Variants in SYT14 observed in about 807,000 individuals in gnomAD.
SYT14 encodes the protein synaptotagmin 14, also known as synaptotagmin-14.
Under a neutral mutation model 74.2 loss-of-function variants are expected in SYT14, and 32 were observed. The ratio of observed to expected loss-of-function variants is 0.43; its 90% CI spans 0.33 to 0.58. SYT14 has a LOEUF of 0.58. Among genes scored for constraint, SYT14 ranks in the 20% least tolerant of loss-of-function variants. SYT14 has a pLI of 0.05. For missense variants in SYT14, 791 were observed against 981.8 expected (o/e 0.81, Z 2.60); for synonymous variants, 298 against 337.7 (o/e 0.88, Z 1.29).
At chr1:210,124,248 A>T (rs757637238) in intron 7 of SYT14, among the ~76,000 whole-genome samples, 58 of 152,126 alleles carry the variant, frequency 3.8e-4, no homozygotes, top group East Asian at 7.7e-4. Flanking sequence ...AGAAATGAAA[A>T]AAAAAAATAA....
intron 2 of SYT14, among the ~76,000 whole-genome samples, chr1:209,967,695 A>G (rs1430372319): frequency 2.0e-5 from 3 of 151,486 alleles, no homozygotes; most frequent in East Asian, 3.9e-4. Context: ...TGTCATCTCT[A>G]TTTTTTCACT....
intron 2 of SYT14, among the ~76,000 whole-genome samples, chr1:209,974,223 C>T (rs2079314451): frequency 6.6e-6 from 1 of 152,076 alleles, no homozygotes; most frequent in African/African-American, 2.4e-5. Flanking sequence ...TAGTTAGATC[C>T]CATTTGTCAA....
chr1:210,047,718 A>T (rs930821248), intron 5 of SYT14, among the ~76,000 whole-genome samples: 1 of 152,208 alleles, frequency 6.6e-6, no homozygotes, highest in Non-Finnish European at 1.5e-5. Flanking sequence ...AATGTAGATT[A>T]TATTTTCAAT....
intron 2 of SYT14, among the ~76,000 whole-genome samples, chr1:209,999,409 A>ATCTGAGGG (rs1367777240): frequency 6.6e-6 from 1 of 152,166 alleles, no homozygotes; most frequent in East Asian, 1.9e-4. Flanking sequence ...CTGGGTATTT[A>ATCTGAGGG]TCTGAGGGTG....
intron 7 of SYT14, among the ~76,000 whole-genome samples, chr1:210,148,536 C>T (rs1162346776): frequency 6.7e-6 from 1 of 150,330 alleles, no homozygotes; most frequent in Admixed American, 6.6e-5. Flanking sequence ...ACATAACCAC[C>T]AATTCAGTGG....
At chr1:209,988,816 T>C (rs2079616277) in intron 2 of SYT14, among the ~76,000 whole-genome samples, 1 of 152,194 alleles carries the variant, frequency 6.6e-6, no homozygotes, top group African/African-American at 2.4e-5. Context: ...CAGCCTCTGA[T>C]TGTTTCCTTA....
chr1:210,073,240 C>A (rs1044116828), intron 5 of SYT14, among the ~76,000 whole-genome samples: 2 of 151,828 alleles, frequency 1.3e-5, no homozygotes, highest in African/African-American at 4.8e-5. Context: ...AAAATGTAAG[C>A]CCTTTCCTTT....
intron 5 of SYT14, among the ~76,000 whole-genome samples, chr1:210,069,800 T>A (rs1203800254): frequency 6.6e-6 from 1 of 152,014 alleles, no homozygotes; most frequent in African/African-American, 2.4e-5. Flanking sequence ...CTATGCTTTT[T>A]TTTCTCTCTG....
At chr1:210,104,876 C>T (rs1471623990) in intron 7 of SYT14, among the ~76,000 whole-genome samples, 1 of 151,970 alleles carries the variant, frequency 6.6e-6, no homozygotes, top group Non-Finnish European at 1.5e-5. Flanking sequence ...TTTATTAAAT[C>T]CTTGGTTTAT....
chr1:210,118,374 C>T (rs1278214865), intron 7 of SYT14, among the ~76,000 whole-genome samples: 2 of 152,076 alleles, frequency 1.3e-5, no homozygotes, highest in African/African-American at 4.8e-5. Context: ...AACATGCCTT[C>T]TTCATTATTA....
In SYT14 at chr1:210,022,489, G is replaced by A. The variant is rs914327870; in HGVS notation, c.1312+1235G>A. Among the ~76,000 whole-genome samples the A allele has an allele frequency of 7.9e-5, 12 of 152,268 alleles. No individual in the cohort carries two copies. In the South Asian group the frequency reaches 1.9e-3, roughly 24 times the overall value. ...GCAGTAAAACCAGTCCCCAAGTTATGTACACCCCTGGTACATGAATAGTAG... is the reference window on the plus strand; with the variant it reads ...GCAGTAAAACCAGTCCCCAAGTTATATACACCCCTGGTACATGAATAGTAG... On this transcript the variant is annotated intron_variant, in intron 5 of 9. Transcript: ENST00000637265.
rs114657802 is a variant in SYT14, at chr1:209,978,775, T to G, written c.-486+26019T>G. On this transcript the variant is annotated intron_variant, in intron 2 of 9. Transcript: ENST00000637265. ...AAGTCTGCAGAGGATTTTGCTGCCT[T>G]TTGTTTGGGTATTCCCTGCCCCCAG... is the stretch of plus-strand genomic sequence containing the variant. 6.1e-3 allele frequency among the ~76,000 whole-genome samples: 926 copies of G among 152,276 alleles called. 6 individuals are homozygous for G. Among genetic ancestry groups the G allele is most frequent in the African/African-American group, 0.018 (756 of 41,564 alleles).
At chr1:210,120,725 TATAAC>T (rs1380212266) in intron 7 of SYT14, among the ~76,000 whole-genome samples, 2 of 152,194 alleles carry the variant, frequency 1.3e-5, no homozygotes, top group Non-Finnish European at 1.5e-5. Context: ...TAATAAAAGT[TATAAC>T]ATATCTAAAG....
At chr1:210,016,637 G>C in exon 4 of SYT14, 1 of 1,231,848 alleles carries the variant, frequency 8.1e-7, no homozygotes, top group Non-Finnish European at 1.0e-6. Context: ...CAAATTGTAT[G>C]AGCAAAAGAA....
At chr1:209,952,603 CTT>C (rs200902462) in intron 1 of SYT14, 104 bp from the exon 2 acceptor site, 30,332 of 964,608 alleles carry the variant, frequency 0.031, 647 homozygotes, top group Non-Finnish European at 0.039. Context: ...GTTAGGGAAA[CTT>C]TTTTTGAGGT....
chr1:210,163,284 A>C, exon 10 of SYT14: 1 of 453,718 alleles, frequency 2.2e-6, no homozygotes, highest in South Asian at 1.6e-5. Context: ...CTATTCCCAG[A>C]ATTGTGTGTG....
At chr1:210,161,495 A>T in exon 10 of SYT14, 1 of 454,080 alleles carries the variant, frequency 2.2e-6, no homozygotes, top group South Asian at 1.6e-5. Context: ...AATATGAAAA[A>T]GTAGTTCTCC....
At chr1:210,036,971 C>A (rs552830341) in intron 5 of SYT14, among the ~76,000 whole-genome samples, 5 of 151,848 alleles carry the variant, frequency 3.3e-5, no homozygotes, top group South Asian at 2.1e-4. Context: ...GGATTCCTTT[C>A]TTCTTGGTTT....
intron 2 of SYT14, among the ~76,000 whole-genome samples, chr1:209,992,677 AAAC>A (rs1291256916): frequency 1.4e-5 from 2 of 142,340 alleles, no homozygotes; most frequent in African/African-American, 5.0e-5. Context: ...AATTTATAAA[AAAC>A]AAATAAATAA....
Sources: allele counts gnomAD v4.1 joint callset (sites outside exome capture counted in the v4.1 genomes callset), GRCh38; gene constraint gnomAD v4.1.1; transcripts MANE v1.5; gene names NCBI Gene and HGNC (gene_info 2026-07-23, HGNC 2026-07-21).